The following ANKS1B variants were observed in gnomAD, a reference collection of about 807,000 sequenced individuals.
ANKS1B encodes the protein ankyrin repeat and sterile alpha motif domain-containing protein 1B.
A neutral mutation model predicts 148.3 loss-of-function variants in ANKS1B; 36 were observed. The observed-to-expected ratio is 0.24, with a 90% CI of 0.19 to 0.32. The LOEUF is 0.32. Among genes scored for constraint, ANKS1B ranks in the 10% least tolerant of loss-of-function variants. ANKS1B has a pLI of 1.00. For synonymous variants in ANKS1B, 542 were observed against 560.8 expected (o/e 0.97, Z 0.47); for missense variants, 1,157 against 1,542.6 (o/e 0.75, Z 4.19).
chr12:99,456,520 A>G (rs1176504987), intron 10 of ANKS1B, among the ~76,000 whole-genome samples: 1 of 152,170 alleles, frequency 6.6e-6, no homozygotes, highest in Non-Finnish European at 1.5e-5. Context: ...AGAAATCAAA[A>G]AAGATGATAC....
intron 16 of ANKS1B, 144 bp from the exon 17 acceptor site, chr12:99,053,453 A>G: frequency 4.8e-6 from 3 of 619,470 alleles, no homozygotes; most frequent in Non-Finnish European, 7.5e-6. Context: ...ACACTTTCTG[A>G]TGTGTTTTCA....
intron 1 of ANKS1B, among the ~76,000 whole-genome samples, chr12:99,914,789 C>T (rs577699155): frequency 1.3e-5 from 2 of 152,102 alleles, no homozygotes; most frequent in East Asian, 3.9e-4. Context: ...CAGAATCCAC[C>T]CTCATCCCTT....
intron 1 of ANKS1B, among the ~76,000 whole-genome samples, chr12:99,948,663 A>T (rs2095135898): frequency 6.6e-6 from 1 of 152,168 alleles, no homozygotes; most frequent in Admixed American, 6.5e-5. Flanking sequence ...CAAAGGAAAA[A>T]TCAAGTCACT....
intron 14 of ANKS1B, chr12:99,154,954 G>A: frequency 6.5e-7 from 1 of 1,535,386 alleles, no homozygotes. Context: ...TGCTGCTGCT[G>A]CTTCCTCCTA....
intron 1 of ANKS1B, among the ~76,000 whole-genome samples, chr12:99,848,195 T>C (rs1428482917): frequency 6.6e-6 from 1 of 151,976 alleles, no homozygotes. Context: ...TTTGGAGTAA[T>C]GCTGAAGAGA....
chr12:99,126,022 A>C (rs1220909956), intron 15 of ANKS1B, among the ~76,000 whole-genome samples: 4 of 152,196 alleles, frequency 2.6e-5, no homozygotes, highest in Admixed American at 6.5e-5. Context: ...AAGAAAAAAA[A>C]CACCAAACCC....
Position 99,779,864 on chromosome 12 carries a change from T to C in ANKS1B, c.847+7A>G, listed in dbSNP as rs759814841. On this transcript the variant is annotated splice_region_variant and intron_variant, in intron 6 of 26. Transcript: ENST00000683438. ...GGCAAACTCATCCATCATTCAATAC[T>C]GTTTACCTTGTAAGAGTGTTGCAAT... is the stretch of plus-strand genomic sequence containing the variant. 7 of 1,600,236 alleles carry C rather than the reference T, an allele frequency of 4.4e-6. No individual in the cohort carries two copies. The highest frequency in any genetic ancestry group is 2.7e-5 in the African/African-American group (2 of 74,652).
intron 8 of ANKS1B, among the ~76,000 whole-genome samples, chr12:99,755,844 C>T (rs1321716726): frequency 6.6e-6 from 1 of 151,472 alleles, no homozygotes; most frequent in Non-Finnish European, 1.5e-5. Flanking sequence ...AGACTTTAAA[C>T]CAACAAAGAT....
chr12:99,410,161 A>G (rs76461950), intron 11 of ANKS1B, among the ~76,000 whole-genome samples: 3,379 of 152,336 alleles, frequency 0.022, 138 homozygotes, highest in African/African-American at 0.077. Context: ...TTAGTAACAC[A>G]TGAAAATTGT....
At chr12:99,211,413 G>A (rs571691836) in intron 14 of ANKS1B, among the ~76,000 whole-genome samples, 1 of 152,276 alleles carries the variant, frequency 6.6e-6, no homozygotes, top group South Asian at 2.1e-4. Flanking sequence ...ACCTTTAGAA[G>A]GAAAGTAACT....
chr12:98,911,635 C>T lies in ANKS1B; in HGVS notation c.2779-79499G>A, dbSNP rs116444218. 1.4e-3 allele frequency among the ~76,000 whole-genome samples: 219 copies of T among 152,272 alleles called. 1 individual carries two copies. The highest frequency in any genetic ancestry group is 5.1e-3 in the African/African-American group (212 of 41,540). On this transcript the variant is annotated intron_variant, in intron 17 of 26. Transcript: ENST00000683438. ...CATGCCAAGTGATAATTCTCCATAA[C>T]GCTTCCTACAGTCTGGTGTGTGCAA...
intron 17 of ANKS1B, among the ~76,000 whole-genome samples, chr12:98,851,481 GT>G: frequency 6.6e-6 from 1 of 152,142 alleles, no homozygotes; most frequent in Non-Finnish European, 1.5e-5. Context: ...GGACATGTCT[GT>G]TTATGGTTTC....
At chr12:98,957,940 C>T (rs2153114050) in intron 17 of ANKS1B, among the ~76,000 whole-genome samples, 1 of 152,240 alleles carries the variant, frequency 6.6e-6, no homozygotes, top group East Asian at 1.9e-4. Context: ...AGTAGGCACA[C>T]AGCTTAGGGT....
intron 15 of ANKS1B, among the ~76,000 whole-genome samples, chr12:99,117,803 T>C (rs2061761027): frequency 6.6e-6 from 1 of 152,226 alleles, no homozygotes; most frequent in South Asian, 2.1e-4. Flanking sequence ...TCTGGTAGAA[T>C]TCGGCTGTGA....
At chr12:99,360,768 G>T (rs903607782) in intron 12 of ANKS1B, among the ~76,000 whole-genome samples, 3 of 152,106 alleles carry the variant, frequency 2.0e-5, no homozygotes, top group Admixed American at 2.0e-4. Context: ...TTGCAAACTT[G>T]TGGGCAAGAA....
chr12:98,736,943 A>G (rs1194478946), intron 9 of ANKS1B, among the ~76,000 whole-genome samples: 1 of 152,208 alleles, frequency 6.6e-6, no homozygotes. Flanking sequence ...TGAGTTGTTG[A>G]GAGATCATGG....
chr12:99,709,054 C>A (rs1450576374), intron 8 of ANKS1B, among the ~76,000 whole-genome samples: 1 of 152,070 alleles, frequency 6.6e-6, no homozygotes, highest in Non-Finnish European at 1.5e-5. Context: ...TGAGCCATTT[C>A]TCTTGGTAAA....
rs575732588 is a variant in ANKS1B at position 98,784,403 on chromosome 12, G to C, written c.3343-2266C>G. ...AGTATCACAGAAGCCAAAGAGGAGAGGGCTTAGAAGGTAGGAGCAATGCCC... is the reference window on the plus strand; with the variant it reads ...AGTATCACAGAAGCCAAAGAGGAGACGGCTTAGAAGGTAGGAGCAATGCCC... On this transcript the variant is annotated intron_variant, in intron 22 of 26. Transcript: ENST00000683438. 2.0e-5 allele frequency among the ~76,000 whole-genome samples: 3 copies of C among 152,254 alleles called. No individual in the cohort carries two copies. The East Asian group carries it at 5.8e-4, about 29-fold the overall frequency.
At chr12:98,985,307 G>T (rs1156322449) in intron 17 of ANKS1B, among the ~76,000 whole-genome samples, 1 of 151,944 alleles carries the variant, frequency 6.6e-6, no homozygotes, top group Non-Finnish European at 1.5e-5. Context: ...GCAGAGAAGA[G>T]ATCTTGCTAT....
Sources: gnomAD v4.1 joint callset for allele counts (sites outside exome capture counted in the v4.1 genomes callset) on GRCh38, gnomAD v4.1.1 for gene constraint, MANE v1.5 for transcripts, NCBI Gene and HGNC (gene_info 2026-07-23, HGNC 2026-07-21) for gene names.